Variants in CFAP77 observed in about 807,000 individuals in gnomAD.
CFAP77 encodes cilia- and flagella-associated protein 77.
Under a neutral mutation model 31.1 loss-of-function variants are expected in CFAP77, and 25 were observed. That is an observed-to-expected ratio of 0.80 (90% CI 0.59 to 1.12). CFAP77 has a LOEUF of 1.12. CFAP77 is among the 50% of genes most tolerant of loss of function. The probability of loss-of-function intolerance (pLI) is 0.00; values close to 1 mark genes in which losing one functional copy is unlikely to be tolerated. For synonymous variants in CFAP77, 151 were observed against 159.9 expected, an observed-to-expected ratio of 0.94 and a Z score of 0.42; for missense variants, 377 against 397.3, an observed-to-expected ratio of 0.95 and a Z score of 0.44.
chr9:132,548,009 C>A (rs1040731696), intron 5 of CFAP77, among the ~76,000 whole-genome samples: 1 of 152,114 alleles, frequency 6.6e-6, no homozygotes, highest in Non-Finnish European at 1.5e-5. Flanking sequence ...AGAGTGAGTG[C>A]CCCCAAAAGC....
intron 3 of CFAP77, among the ~76,000 whole-genome samples, chr9:132,519,124 A>T (rs1852199546): frequency 6.6e-6 from 1 of 151,092 alleles, no homozygotes; most frequent in Admixed American, 6.6e-5. Flanking sequence ...ATGTTCAGAC[A>T]TACCATTAAT....
rs1438988554 is a variant in CFAP77 at position 132,499,248 on chromosome 9, C to T, written c.296-124C>T. The T allele has an allele frequency of 7.3e-6, 6 of 820,666 alleles. No homozygotes were observed. The highest frequency in any genetic ancestry group is 1.1e-5 in the Non-Finnish European group (6 of 523,986). The allele number at this position is 820,666 out of a possible 1,614,324, so 50.8% of individuals were successfully genotyped here. On this transcript the variant is annotated intron_variant, in intron 2 of 5. Transcript: ENST00000393216. This position sits in a 1 kb window ranked among gnomAD's most constrained non-coding sequence, Gnocchi z 5.4. ...TTCTGGGGGCCAGGCAGGGTTGTCA[C>T]CCAGTAGGCTCAGGTAAATGGGAAG... is the stretch of plus-strand genomic sequence containing the variant.
chr9:132,469,838 A>C (rs1297283217), intron 1 of CFAP77, among the ~76,000 whole-genome samples: 1 of 128,842 alleles, frequency 7.8e-6, no homozygotes, highest in Non-Finnish European at 1.6e-5. Flanking sequence ...TTGCTCCGTG[A>C]TTTTTTTTTT....
At chr9:132,423,646 C>G (rs1361237861) in intron 1 of CFAP77, among the ~76,000 whole-genome samples, 1 of 152,218 alleles carries the variant, frequency 6.6e-6, no homozygotes, top group African/African-American at 2.4e-5. Flanking sequence ...CTGTGCAGAT[C>G]CAAAAAACTT....
intron 3 of CFAP77, among the ~76,000 whole-genome samples, chr9:132,516,427 G>A (rs1852147708): frequency 6.6e-6 from 1 of 152,106 alleles, no homozygotes; most frequent in Non-Finnish European, 1.5e-5. Context: ...TAGGTTTCTT[G>A]TCGGGATGAA....
intron 3 of CFAP77, among the ~76,000 whole-genome samples, chr9:132,522,053 C>T (rs2119020899): frequency 6.6e-6 from 1 of 152,292 alleles, no homozygotes; most frequent in South Asian, 2.1e-4. Flanking sequence ...TGAGCCACTA[C>T]ACCCGGCCCC....
chr9:132,514,583 C>T (rs910608647), intron 3 of CFAP77, among the ~76,000 whole-genome samples: 44 of 152,158 alleles, frequency 2.9e-4, no homozygotes, highest in African/African-American at 1.0e-3. Flanking sequence ...CTTCACCGAG[C>T]GCTGCCTTCC....
intron 3 of CFAP77, among the ~76,000 whole-genome samples, chr9:132,533,117 C>T (rs1362643535): frequency 2.0e-5 from 3 of 152,202 alleles, no homozygotes; most frequent in African/African-American, 4.8e-5. Context: ...CTGGATGCAG[C>T]GCCTCTAGGC....
At chr9:132,466,785 C>A (rs538992423) in intron 1 of CFAP77, among the ~76,000 whole-genome samples, 1 of 152,328 alleles carries the variant, frequency 6.6e-6, no homozygotes, top group South Asian at 2.1e-4. Flanking sequence ...GACCTCTGGG[C>A]TCCTCCACCT....
At position 132,542,988 on chromosome 9, in the gene CFAP77, A is replaced by T. The variant is rs367674163; in HGVS notation, c.673A>T (p.Arg225Trp). 1 of 1,613,998 alleles carries T rather than the reference A, an allele frequency of 6.2e-7. No homozygotes were observed. The highest frequency in any genetic ancestry group is 8.5e-7 in the Non-Finnish European group (1 of 1,180,028). ...GTATGAGACCCGGAGCAGTCAGCTG[A>T]GGAAGTACAAGCCGCCCGTGAAGCT... ...KLYETRSSQL[R>W]KYKPPVKLDT... The change falls in exon 5 of 6, where the codon AGG (arginine) becomes TGG (tryptophan). Residue 225 changes from arginine to tryptophan, a missense_variant. By Grantham distance (101) the Arg-to-Trp change is moderately radical. Coordinates refer to ENST00000393216, the MANE Select transcript of CFAP77 (RefSeq NM_001282957.2).
At chr9:132,485,388 G>A (rs1026050658) in intron 1 of CFAP77, among the ~76,000 whole-genome samples, 5 of 152,152 alleles carry the variant, frequency 3.3e-5, no homozygotes, top group Non-Finnish European at 5.9e-5. Flanking sequence ...CCAAGGTCAC[G>A]CAGAGTTGAG....
At chr9:132,506,360 T>C (rs747036499) in intron 3 of CFAP77, among the ~76,000 whole-genome samples, 4 of 152,216 alleles carry the variant, frequency 2.6e-5, no homozygotes, top group Admixed American at 1.3e-4. Flanking sequence ...TAATAAGTGT[T>C]TGCAAATGTT....
intron 1 of CFAP77, among the ~76,000 whole-genome samples, chr9:132,477,889 G>T (rs560307823): frequency 6.6e-6 from 1 of 152,256 alleles, no homozygotes; most frequent in South Asian, 2.1e-4. Context: ...ACCAATCTGG[G>T]GGCAGCGGGG....
chr9:132,419,457 A>G (rs960307902), intron 1 of CFAP77, among the ~76,000 whole-genome samples: 2 of 152,194 alleles, frequency 1.3e-5, no homozygotes, highest in African/African-American at 4.8e-5. Context: ...TCCCACAAAG[A>G]TGGGGCACCC....
At chr9:132,541,549 C>T (rs1184243140) in intron 4 of CFAP77, among the ~76,000 whole-genome samples, 2 of 152,202 alleles carry the variant, frequency 1.3e-5, no homozygotes, top group Non-Finnish European at 2.9e-5. Context: ...CACGGCAAAA[C>T]CCTGTCTTTA....
intron 1 of CFAP77, among the ~76,000 whole-genome samples, chr9:132,468,948 A>G (rs1345477389): frequency 6.6e-6 from 1 of 152,086 alleles, no homozygotes; most frequent in Admixed American, 6.5e-5. Flanking sequence ...CAGCCCCCAG[A>G]CCTGGAAAAT....
chr9:132,536,414 GAC>G (rs1255900986), intron 3 of CFAP77, among the ~76,000 whole-genome samples: 1 of 115,628 alleles, frequency 8.6e-6, no homozygotes, highest in Non-Finnish European at 2.0e-5. Context: ...TTTTTTTGGA[GAC>G]AGAGTCTTGC....
At chr9:132,560,427 AC>A (rs1489305781) in intron 5 of CFAP77, among the ~76,000 whole-genome samples, 1 of 152,200 alleles carries the variant, frequency 6.6e-6, no homozygotes, top group African/African-American at 2.4e-5. Context: ...CCACCTTGGG[AC>A]TGGTGTTACC....
At chr9:132,550,170 C>A (rs892494717) in intron 5 of CFAP77, among the ~76,000 whole-genome samples, 1 of 152,198 alleles carries the variant, frequency 6.6e-6, no homozygotes, top group East Asian at 1.9e-4. Context: ...CTGGGAACCC[C>A]CAGCCTGGCT....
Sources: allele counts gnomAD v4.1 joint callset (sites outside exome capture counted in the v4.1 genomes callset), GRCh38; gene constraint gnomAD v4.1.1; non-coding constraint Gnocchi (gnomAD v3.1); transcripts MANE v1.5; gene names NCBI Gene and HGNC (gene_info 2026-07-23, HGNC 2026-07-21).